The following AGK variants were observed in gnomAD, a reference collection of about 807,000 sequenced individuals.
AGK encodes the protein acylglycerol kinase, mitochondrial.
A neutral mutation model predicts 66.4 loss-of-function variants in AGK; 52 were observed. The ratio of observed to expected loss-of-function variants is 0.78; its 90% CI spans 0.63 to 0.99. The LOEUF (loss-of-function observed/expected upper bound fraction) is 0.99, where lower values mean the gene tolerates loss of function less well. Ranked by LOEUF, AGK falls within the 50% of genes least tolerant of loss-of-function variation. AGK has a pLI of 0.00. For missense variants in AGK, 451 were observed against 506.6 expected, an observed-to-expected ratio of 0.89 and a Z score of 1.05; for synonymous variants, 182 against 181.1, an observed-to-expected ratio of 1.00 and a Z score of -0.04.
intron 5 of AGK, among the ~76,000 whole-genome samples, chr7:141,610,279 T>C (rs536975297): frequency 1.2e-4 from 19 of 152,154 alleles, no homozygotes; most frequent in Non-Finnish European, 2.4e-4. Context: ...GATATATATA[T>C]ATTTTTATTA....
chr7:141,573,828 TC>T (rs1795668978), intron 2 of AGK, among the ~76,000 whole-genome samples: 1 of 152,192 alleles, frequency 6.6e-6, no homozygotes, highest in African/African-American at 2.4e-5. Context: ...CTCTCCTTTT[TC>T]TTTATTATTA....
chr7:141,611,414 C>A, intron 6 of AGK, 127 bp downstream of exon 6: 1 of 606,748 alleles, frequency 1.6e-6, no homozygotes, highest in Non-Finnish European at 2.7e-6. Flanking sequence ...GATTGTTGCT[C>A]TCTAAAGCTA....
chr7:141,585,961 C>T (rs925309391), intron 2 of AGK, among the ~76,000 whole-genome samples: 1 of 152,134 alleles, frequency 6.6e-6, no homozygotes, highest in Admixed American at 6.5e-5. Context: ...CAGAAGACAG[C>T]ATGGTGTAGT....
Position 141,641,356 on chromosome 7 carries a change from A to C in AGK, c.835A>C (p.Ile279Leu). ...ACAAAGGCCTTCTTTGTACAGGAGA[A>C]TATTACGAAGGCTTGCGTCCTACTG... ...PVQRPSLYRR[I>L]LRRLASYWAQ... The change falls in exon 12 of 16, where the codon ATA (isoleucine) becomes CTA (leucine). Residue 279 changes from isoleucine (I) to leucine (L), a missense_variant. Transcript: ENST00000649286. The C allele has an allele frequency of 1.2e-6, 2 of 1,613,472 alleles. No homozygotes were observed. The highest frequency in any genetic ancestry group is 1.7e-6 in the Non-Finnish European group (2 of 1,179,806).
At chr7:141,553,483 C>G (rs1379238990) in intron 1 of AGK, among the ~76,000 whole-genome samples, 3 of 152,228 alleles carry the variant, frequency 2.0e-5, no homozygotes. Context: ...AAGCCTTGTG[C>G]TGACTCCTCG....
chr7:141,591,154 G>A (rs1587100806), intron 2 of AGK, among the ~76,000 whole-genome samples: 2 of 131,950 alleles, frequency 1.5e-5, no homozygotes, highest in Admixed American at 9.0e-5. Context: ...GCGCAATGGC[G>A]TGATCTTGGC....
At chr7:141,649,700 TCCG>T (rs1329324936) in intron 14 of AGK, among the ~76,000 whole-genome samples, 2 of 152,264 alleles carry the variant, frequency 1.3e-5, no homozygotes, top group African/African-American at 4.8e-5. Context: ...CTGAATTCTT[TCCG>T]TCTACAGAAT....
At chr7:141,640,723 T>C (rs936786297) in intron 11 of AGK, among the ~76,000 whole-genome samples, 1 of 152,086 alleles carries the variant, frequency 6.6e-6, no homozygotes, top group Admixed American at 6.5e-5. Context: ...AGGGTGACAC[T>C]GGACTTGGGA....
At chr7:141,587,755 A>G (rs954436042) in intron 2 of AGK, among the ~76,000 whole-genome samples, 2 of 152,216 alleles carry the variant, frequency 1.3e-5, no homozygotes, top group Admixed American at 6.5e-5. Flanking sequence ...GATTACCTAA[A>G]AGTGAAATTG....
rs1292309281 is a variant in AGK, at chr7:141,598,004, C to T, written c.221+1363C>T. On this transcript the variant is annotated intron_variant, in intron 4 of 15. Transcript: ENST00000649286. This position sits in a 1 kb window ranked among gnomAD's most constrained non-coding sequence, Gnocchi z 4.2. Reference sequence around the variant, plus strand: ...AGTGACATTAAGGTAATAAGAACAACAACAAGAAAGATAGTTTGGGCTGAA... The same window carrying T: ...AGTGACATTAAGGTAATAAGAACAATAACAAGAAAGATAGTTTGGGCTGAA... Among the ~76,000 whole-genome samples the T allele has an allele frequency of 3.4e-5, 5 of 147,332 alleles. No individual in the cohort carries two copies. The highest frequency in any genetic ancestry group is 1.0e-4 in the African/African-American group (4 of 39,408).
rs1796162517 is a variant in AGK, at chr7:141,593,342, G to A, written c.141+157G>A. The A allele has an allele frequency of 5.5e-6, 4 of 730,624 alleles. No homozygotes were observed. The South Asian group carries it at 5.8e-5, about 11-fold the overall frequency. 45.3% of individuals were successfully genotyped at this position (730,624 alleles called of 1,614,324 possible). A position where few individuals can be genotyped will look rare whatever the true frequency, so the allele number is the denominator to read the frequency against. ...GAATCACGCTGGGAGCCAACTCTGA[G>A]TAGAACTCCAGGAAGTTAACCATCT... On this transcript the variant is annotated intron_variant, in intron 3 of 15. Coordinates refer to ENST00000649286, the MANE Select transcript of AGK (RefSeq NM_018238.4).
chr7:141,634,103 A>C, intron 10 of AGK, 123 bp downstream of exon 10: 1 of 797,714 alleles, frequency 1.3e-6, no homozygotes, highest in South Asian at 1.5e-5. Context: ...AGGTTGAATT[A>C]TGTGTGAATA....
chr7:141,560,328 T>C (rs1795312731), intron 2 of AGK, among the ~76,000 whole-genome samples: 1 of 152,032 alleles, frequency 6.6e-6, no homozygotes, highest in Non-Finnish European at 1.5e-5. Context: ...CTCACATTCT[T>C]TATACCAAAC....
chr7:141,638,694 G>A (rs1196265994), intron 11 of AGK, among the ~76,000 whole-genome samples: 1 of 152,080 alleles, frequency 6.6e-6, no homozygotes, highest in Admixed American at 6.6e-5. Flanking sequence ...GAAGAATGTA[G>A]GATTATCAGA....
intron 14 of AGK, 120 bp downstream of exon 14, chr7:141,649,453 T>G (rs1797499626): frequency 1.3e-6 from 1 of 755,808 alleles, no homozygotes; most frequent in Admixed American, 2.4e-5. Flanking sequence ...TTTGGGAATT[T>G]CGATGTTATT....
intron 2 of AGK, among the ~76,000 whole-genome samples, chr7:141,571,112 T>C (rs1160138674): frequency 6.6e-6 from 1 of 152,224 alleles, no homozygotes. Flanking sequence ...CTTTTTTGCA[T>C]TCATTTTTGA....
intron 9 of AGK, among the ~76,000 whole-genome samples, chr7:141,632,698 ACT>A (rs1797085462): frequency 6.6e-6 from 1 of 152,234 alleles, no homozygotes; most frequent in Non-Finnish European, 1.5e-5. Flanking sequence ...TGTACCAGCC[ACT>A]GAGTTGCTGC....
chr7:141,593,000 G>A (rs568955806), intron 2 of AGK, 146 bp from the exon 3 acceptor site: 10 of 668,040 alleles, frequency 1.5e-5, no homozygotes, highest in African/African-American at 1.3e-4. Context: ...CACCATGCCC[G>A]GCCTGTTATC....
At chr7:141,593,263 T>C (rs754657312) in intron 3 of AGK, 78 bp downstream of exon 3, 14 of 1,288,626 alleles carry the variant, frequency 1.1e-5, no homozygotes, top group Non-Finnish European at 1.6e-5. Flanking sequence ...TTCAGGGGAC[T>C]TGCACAGTGT....
Sources: allele counts gnomAD v4.1 joint callset (sites outside exome capture counted in the v4.1 genomes callset), GRCh38; gene constraint gnomAD v4.1.1; non-coding constraint Gnocchi (gnomAD v3.1); transcripts MANE v1.5; gene names NCBI Gene and HGNC (gene_info 2026-07-23, HGNC 2026-07-21).